The following SYT9 variants were observed in gnomAD, a reference collection of about 807,000 sequenced individuals.
The protein encoded by SYT9 is synaptotagmin-9.
Under a neutral mutation model 48.4 loss-of-function variants are expected in SYT9, and 22 were observed. The ratio of observed to expected loss-of-function variants is 0.45; its 90% CI spans 0.32 to 0.65. The LOEUF is 0.65. Among genes scored for constraint, SYT9 ranks in the 30% least tolerant of loss-of-function variants. The pLI, the probability that SYT9 is intolerant of heterozygous loss-of-function variation, is 0.03. For synonymous variants in SYT9, 265 were observed against 245.0 expected (o/e 1.08, Z -0.76); for missense variants, 577 against 622.0 (o/e 0.93, Z 0.77).
At chr11:7,427,747 C>G (rs1847491606) in intron 6 of SYT9, 1 of 152,122 alleles carries the variant, frequency 6.6e-6, no homozygotes, top group Admixed American at 6.5e-5. Flanking sequence ...AAAAAATAAA[C>G]TATTTTGAAT....
intron 6 of SYT9, chr11:7,427,935 T>A (rs1847495737): frequency 6.6e-6 from 1 of 152,156 alleles, no homozygotes; most frequent in Admixed American, 6.5e-5. Context: ...GCAGGCACTG[T>A]TAGTATTAGT....
chr11:7,288,913 C>T (rs1215295627), intron 1 of SYT9, among the ~76,000 whole-genome samples: 1 of 152,182 alleles, frequency 6.6e-6, no homozygotes, highest in African/African-American at 2.4e-5. Context: ...TTTAGGGAGG[C>T]ACTTCTATCT....
chr11:7,444,396 T>C (rs915951307), intron 6 of SYT9: 1 of 152,216 alleles, frequency 6.6e-6, no homozygotes, highest in African/African-American at 2.4e-5. Flanking sequence ...GAGGCTGCAA[T>C]GTATTTTGCT....
chr11:7,426,666 G>T (rs1054338217), intron 6 of SYT9, among the ~76,000 whole-genome samples: 2 of 152,018 alleles, frequency 1.3e-5, no homozygotes, highest in Non-Finnish European at 2.9e-5. Context: ...CTAAACTTGG[G>T]GTTTCAAGCC....
chr11:7,312,360 T>A lies in SYT9; in HGVS notation c.498-1035T>A, dbSNP rs138324658. On this transcript the variant is annotated intron_variant, in intron 2 of 6. Transcript: ENST00000318881. ...ACTGTTTACCAATCCCTAAGAGACA[T>A]CCCAGCTGTTCTCTTTCACCTTCTA... is the stretch of plus-strand genomic sequence containing the variant. 8.9e-4 allele frequency among the ~76,000 whole-genome samples: 136 copies of A among 152,324 alleles called. 1 individual carries two copies. The Middle Eastern group carries it at 0.01, about 11-fold the overall frequency.
intron 6 of SYT9, among the ~76,000 whole-genome samples, chr11:7,454,870 C>T (rs529028803): frequency 3.2e-4 from 49 of 152,246 alleles, no homozygotes; most frequent in African/African-American, 1.1e-3. Flanking sequence ...GTGAGTTTGC[C>T]TGGAGGAGGC....
intron 3 of SYT9, among the ~76,000 whole-genome samples, chr11:7,390,367 A>G (rs1850740334): frequency 1.3e-5 from 2 of 152,110 alleles, no homozygotes; most frequent in Non-Finnish European, 1.5e-5. Flanking sequence ...TACCTGTGAA[A>G]CTCACTGGAA....
chr11:7,269,903 G>A (rs368726645), intron 1 of SYT9, among the ~76,000 whole-genome samples: 36 of 152,030 alleles, frequency 2.4e-4, no homozygotes, highest in African/African-American at 7.3e-4. Context: ...CTTCCTTAGC[G>A]TGACCCTAAA....
At chr11:7,305,246 A>T (rs1466057310) in intron 2 of SYT9, among the ~76,000 whole-genome samples, 1 of 152,242 alleles carries the variant, frequency 6.6e-6, no homozygotes, top group African/African-American at 2.4e-5. Flanking sequence ...CAATTACATT[A>T]TCTTTTCTGA....
intron 6 of SYT9, chr11:7,440,183 G>A (rs1287668454): frequency 6.6e-6 from 1 of 152,154 alleles, no homozygotes; most frequent in African/African-American, 2.4e-5. Flanking sequence ...GGTGTGTTTG[G>A]CCACTCCATT....
chr11:7,250,485 C>A (rs1847850279), upstream of SYT9, among the ~76,000 whole-genome samples: 1 of 133,034 alleles, frequency 7.5e-6, no homozygotes, highest in South Asian at 2.7e-4. Context: ...TCTGGTGTCA[C>A]CTTCTCTGTT....
chr11:7,430,904 C>T (rs983041856), intron 6 of SYT9, among the ~76,000 whole-genome samples: 2 of 152,286 alleles, frequency 1.3e-5, no homozygotes, highest in South Asian at 4.1e-4. Flanking sequence ...TTATAAATTG[C>T]CCAGTCCCAG....
chr11:7,248,655 G>T (rs1219699100), upstream of SYT9, among the ~76,000 whole-genome samples: 2 of 151,896 alleles, frequency 1.3e-5, no homozygotes, highest in Non-Finnish European at 2.9e-5. Flanking sequence ...AAGGAAGACT[G>T]CAAAACACTG....
chr11:7,252,937 G>C lies in SYT9; in HGVS notation c.145+606G>C, dbSNP rs150627963. The stretch of plus-strand genomic sequence containing the variant: ...CGGCGGGTCGCACGGCATGGAGGTG[G>C]CCTGGGCCTGGGCGCTAGGCTCGAC... On this transcript the variant is annotated intron_variant, in intron 1 of 6. Transcript: ENST00000318881. The surrounding 1 kb of genome is among the most constrained non-coding windows in gnomAD (Gnocchi z 6.3). Among the ~76,000 whole-genome samples, 290 of 152,364 alleles carry C rather than the reference G, an allele frequency of 1.9e-3. No homozygotes were observed. Among genetic ancestry groups the C allele is most frequent in the African/African-American group, 6.3e-3 (260 of 41,600 alleles).
chr11:7,399,491 C>T (rs1045114559), intron 3 of SYT9, among the ~76,000 whole-genome samples: 7 of 152,156 alleles, frequency 4.6e-5, no homozygotes, highest in African/African-American at 1.7e-4. Context: ...CTTGCAGAAA[C>T]TTAAGAAAAT....
At chr11:7,326,457 A>T (rs1213602770) in intron 3 of SYT9, among the ~76,000 whole-genome samples, 2 of 137,036 alleles carry the variant, frequency 1.5e-5, no homozygotes, top group Non-Finnish European at 3.1e-5. Flanking sequence ...ATCGGTGGTG[A>T]TATCCCCTTT....
At chr11:7,307,349 T>C (rs1849051231) in intron 2 of SYT9, among the ~76,000 whole-genome samples, 1 of 152,238 alleles carries the variant, frequency 6.6e-6, no homozygotes, top group Non-Finnish European at 1.5e-5. Flanking sequence ...AACATAATTT[T>C]TGAATTATAG....
At position 7,468,314 on chromosome 11, in the gene SYT9, G is replaced by T; in HGVS notation, c.*1514G>T. The T allele has an allele frequency of 2.5e-6, 1 of 398,618 alleles. No individual in the cohort carries two copies. Among genetic ancestry groups the T allele is most frequent in the Non-Finnish European group, 4.4e-6 (1 of 226,050 alleles). 24.7% of individuals were successfully genotyped at this position (398,618 alleles called of 1,614,324 possible). A position where few individuals can be genotyped will look rare whatever the true frequency, so the allele number is the denominator to read the frequency against. ...CCAGCTGCCTAGTACTATACAAGAA[G>T]CTCTACTTTGATGGCAGATCTAAGA... On this transcript the variant is annotated 3_prime_UTR_variant, in exon 7 of 7. Coordinates refer to ENST00000318881, the MANE Select transcript of SYT9 (RefSeq NM_175733.4).
intron 3 of SYT9, among the ~76,000 whole-genome samples, chr11:7,386,461 AAC>A (rs1192645520): frequency 6.6e-6 from 1 of 151,950 alleles, no homozygotes; most frequent in Non-Finnish European, 1.5e-5. Context: ...GAAAAAAAAA[AAC>A]AACCCCATCA....
Sources: allele counts gnomAD v4.1 joint callset (sites outside exome capture counted in the v4.1 genomes callset), GRCh38; gene constraint gnomAD v4.1.1; non-coding constraint Gnocchi (gnomAD v3.1); transcripts MANE v1.5; gene names NCBI Gene and HGNC (gene_info 2026-07-23, HGNC 2026-07-21).